SLC9C2: variants seen among roughly 807,000 people sequenced by gnomAD.
SLC9C2 encodes solute carrier family 9 member C2 (putative), also known as sodium/hydrogen exchanger 11.
A neutral mutation model predicts 140.2 loss-of-function variants in SLC9C2; 75 were observed. The ratio of observed to expected loss-of-function variants is 0.53; its 90% CI spans 0.44 to 0.65. SLC9C2 has a LOEUF of 0.65. Ranked by LOEUF, SLC9C2 falls within the 30% of genes least tolerant of loss-of-function variation. The pLI is 0.00. For missense variants in SLC9C2, 1,074 were observed against 1,331.8 expected (o/e 0.81, Z 3.01); for synonymous variants, 375 against 420.9 (o/e 0.89, Z 1.34).
At chr1:173,580,543 G>A (rs1665466470) in intron 7 of SLC9C2, among the ~76,000 whole-genome samples, 1 of 152,092 alleles carries the variant, frequency 6.6e-6, no homozygotes, top group Non-Finnish European at 1.5e-5. Context: ...AGTAGAGACA[G>A]GGTTTCACTA....
chr1:173,536,147 C>T (rs1661939032), intron 14 of SLC9C2, among the ~76,000 whole-genome samples, 198 bp from the exon 15 acceptor site: 1 of 152,172 alleles, frequency 6.6e-6, no homozygotes, highest in African/African-American at 2.4e-5. Flanking sequence ...ACTCCTGCTG[C>T]CTCTGTTCCT....
chr1:173,520,472 T>C (rs1366946590), intron 22 of SLC9C2, among the ~76,000 whole-genome samples: 2 of 152,210 alleles, frequency 1.3e-5, no homozygotes, highest in Non-Finnish European at 2.9e-5. Context: ...TCCCATCTCC[T>C]TTTATCCCTC....
intron 11 of SLC9C2, among the ~76,000 whole-genome samples, chr1:173,550,141 A>G (rs536090949): frequency 6.6e-6 from 1 of 152,304 alleles, no homozygotes; most frequent in Non-Finnish European, 1.5e-5. Flanking sequence ...GTGGCTCACA[A>G]CTATAATCTC....
At chr1:173,572,080 C>T (rs1558078353) in intron 9 of SLC9C2, among the ~76,000 whole-genome samples, 1 of 152,154 alleles carries the variant, frequency 6.6e-6, no homozygotes, top group Non-Finnish European at 1.5e-5. Context: ...GTAATTGAAA[C>T]TTAGATTAAG....
intron 8 of SLC9C2, among the ~76,000 whole-genome samples, chr1:173,574,996 T>C (rs1665083042): frequency 6.6e-6 from 1 of 152,044 alleles, no homozygotes; most frequent in Non-Finnish European, 1.5e-5. Flanking sequence ...GGTGCATGCC[T>C]GTAGTCCCAG....
Position 173,583,546 on chromosome 1 carries a change from T to G in SLC9C2, c.600A>C (p.Gly200=). ...IICSIASIFF[G]NFRGNRIHFS... Reference sequence around the variant, plus strand: ...AGTGGATTCTGTTGCCCCGAAAATTTCCAAAAAAAATTGATGCGATGCTAC... The same window carrying G: ...AGTGGATTCTGTTGCCCCGAAAATTGCCAAAAAAAATTGATGCGATGCTAC... The change falls in exon 6 of 28, where the codon GGA becomes GGC. Residue 200 remains glycine, a synonymous_variant. Coordinates refer to ENST00000367714, the MANE Select transcript of SLC9C2 (RefSeq NM_178527.4). 6.2e-7 allele frequency: 1 copy of G among 1,611,228 alleles called. No homozygotes were observed. Among genetic ancestry groups the G allele is most frequent in the Non-Finnish European group, 8.5e-7 (1 of 1,178,704 alleles).
intron 8 of SLC9C2, among the ~76,000 whole-genome samples, chr1:173,573,850 T>TAACTCTAATCCCATGTTGTCCATG (rs1189740357): frequency 6.6e-6 from 1 of 152,240 alleles, no homozygotes; most frequent in African/African-American, 2.4e-5. Context: ...CTTGTAAGGC[T>TAACTCTAATCCCATGTTGTCCATG]AACTCTAATC....
intron 4 of SLC9C2, among the ~76,000 whole-genome samples, chr1:173,590,741 A>G (rs1183235198): frequency 6.6e-6 from 1 of 152,152 alleles, no homozygotes; most frequent in Non-Finnish European, 1.5e-5. Context: ...AACGGGCAGG[A>G]GATAATGTAT....
At chr1:173,570,517 G>T (rs151109349) in intron 9 of SLC9C2, among the ~76,000 whole-genome samples, 11 of 152,250 alleles carry the variant, frequency 7.2e-5, no homozygotes, top group African/African-American at 2.4e-4. Context: ...GGCTGTGGGA[G>T]GGGTGGCACA....
At chr1:173,564,212 T>C (rs1664300779) in intron 9 of SLC9C2, among the ~76,000 whole-genome samples, 1 of 152,192 alleles carries the variant, frequency 6.6e-6, no homozygotes. Context: ...TTATTTGGAG[T>C]ATATATGCAG....
At chr1:173,560,808 T>G (rs1391747902) in intron 9 of SLC9C2, among the ~76,000 whole-genome samples, 2 of 151,890 alleles carry the variant, frequency 1.3e-5, no homozygotes. Flanking sequence ...ATTTTTATTG[T>G]TTTTTTTAGA....
intron 4 of SLC9C2, among the ~76,000 whole-genome samples, chr1:173,590,860 A>G (rs549448801): frequency 1.3e-5 from 2 of 152,326 alleles, no homozygotes; most frequent in South Asian, 4.1e-4. Context: ...TTTAAAACTC[A>G]TGAATTTTTC....
chr1:173,509,196 C>T (rs1023925283), intron 24 of SLC9C2, among the ~76,000 whole-genome samples: 2 of 152,068 alleles, frequency 1.3e-5, no homozygotes, highest in Non-Finnish European at 2.9e-5. Flanking sequence ...ATAATCCCAG[C>T]ACTTTGGGAG....
At chr1:173,508,331 T>C (rs1659797389) in intron 24 of SLC9C2, among the ~76,000 whole-genome samples, 1 of 152,088 alleles carries the variant, frequency 6.6e-6, no homozygotes, top group Admixed American at 6.6e-5. Context: ...AATACAATTT[T>C]TTTAATGTTT....
At chr1:173,569,835 G>C (rs1664732345) in intron 9 of SLC9C2, among the ~76,000 whole-genome samples, 1 of 152,016 alleles carries the variant, frequency 6.6e-6, no homozygotes, top group South Asian at 2.1e-4. Context: ...AAATCTGCCT[G>C]GTGTTCTATT....
At chr1:173,590,067 AC>A (rs1315469646) in intron 4 of SLC9C2, among the ~76,000 whole-genome samples, 1 of 152,068 alleles carries the variant, frequency 6.6e-6, no homozygotes, top group African/African-American at 2.4e-5. Context: ...ACATGGTGAA[AC>A]CCCGTCTCTA....
At chr1:173,503,917 A>G (rs1886638) in intron 26 of SLC9C2, among the ~76,000 whole-genome samples, 76,620 of 152,004 alleles carry the variant, frequency 0.5, 20,936 homozygotes, top group East Asian at 0.95. Context: ...GATTACAGAG[A>G]AACTCATCAA....
intron 23 of SLC9C2, among the ~76,000 whole-genome samples, chr1:173,517,048 CATT>C (rs1241442132): frequency 6.6e-6 from 1 of 152,182 alleles, no homozygotes; most frequent in Non-Finnish European, 1.5e-5. Context: ...TTTTGATTTG[CATT>C]TCTCTATTGA....
intron 24 of SLC9C2, 114 bp downstream of exon 24, chr1:173,509,454 A>T: frequency 9.2e-7 from 1 of 1,086,720 alleles, no homozygotes; most frequent in Non-Finnish European, 1.2e-6. Context: ...CAAAAAAAAA[A>T]AAAATCAAAC....
Sources: gnomAD v4.1 joint callset for allele counts (sites outside exome capture counted in the v4.1 genomes callset) on GRCh38, gnomAD v4.1.1 for gene constraint, MANE v1.5 for transcripts, NCBI Gene and HGNC (gene_info 2026-07-23, HGNC 2026-07-21) for gene names.